SUMF2: variants seen among roughly 807,000 people sequenced by gnomAD.
The protein encoded by SUMF2 is sulfatase modifying factor 2.
Under a neutral mutation model 44.8 loss-of-function variants are expected in SUMF2, and 45 were observed. That is an observed-to-expected ratio of 1.00 (90% CI 0.79 to 1.29). SUMF2 has a LOEUF of 1.29. Among genes scored for constraint, SUMF2 ranks in the 50% most tolerant of loss-of-function variants. SUMF2 has a pLI of 0.00. For synonymous variants in SUMF2, 148 were observed against 150.4 expected, an observed-to-expected ratio of 0.98 and a Z score of 0.12; for missense variants, 418 against 389.9, an observed-to-expected ratio of 1.07 and a Z score of -0.61.
At chr7:56,068,031 C>CTTT (rs565131237) in intron 1 of SUMF2, among the ~76,000 whole-genome samples, 8 of 110,350 alleles carry the variant, frequency 7.2e-5, no homozygotes, top group Admixed American at 3.0e-4. Flanking sequence ...TTTTTTCTTT[C>CTTT]TTTTTTTTTT....
intron 7 of SUMF2, 27 bp downstream of exon 7, chr7:56,078,213 G>A (rs748924867): frequency 5.6e-6 from 9 of 1,599,028 alleles, no homozygotes; most frequent in Non-Finnish European, 7.7e-6. Context: ...GCTTGCGGCT[G>A]TGCCCATGAA....
At chr7:56,066,351 C>T (rs942814959) in intron 1 of SUMF2, among the ~76,000 whole-genome samples, 2 of 152,156 alleles carry the variant, frequency 1.3e-5, no homozygotes, top group Admixed American at 6.6e-5. Context: ...AGTCCTGTCT[C>T]CTGCTAACCA....
chr7:56,082,037 A>T, downstream of SUMF2: 1 of 1,612,964 alleles, frequency 6.2e-7, no homozygotes, highest in Non-Finnish European at 8.5e-7. Flanking sequence ...TGATGACGCC[A>T]GTGCTCCACC....
At chr7:56,079,217 G>A (rs553063066) in intron 8 of SUMF2, 14 of 528,698 alleles carry the variant, frequency 2.6e-5, no homozygotes, top group Non-Finnish European at 4.3e-5. Flanking sequence ...CTACTGAGCT[G>A]TTGTCAACTG....
chr7:56,081,069 G>A (rs142250443), downstream of SUMF2: 8 of 1,612,264 alleles, frequency 5.0e-6, no homozygotes, highest in South Asian at 2.2e-5. This position sits in a 1 kb window ranked among gnomAD's most constrained non-coding sequence, Gnocchi z 4.6. Flanking sequence ...AGTCCTCCTC[G>A]GCCAGGGAGA....
Position 56,064,365 on chromosome 7 carries a change from G to T in SUMF2, c.54G>T (p.Ala18=). Residue 18 remains alanine (A), a synonymous_variant, in exon 1 of 9, where the codon GCG becomes GCT. Coordinates refer to ENST00000434526, the MANE Select transcript of SUMF2 (RefSeq NM_015411.4). The stretch of plus-strand genomic sequence containing the variant: ...CCCTGCTGTCGCTCCTGGTCGGCGC[G>T]TGGCTCAAGCTAGGTCAGTGAACCG... ...LLPLLSLLVG[A]WLKLGNGQAT... is the part of the protein sequence containing the mutation. 6.2e-7 allele frequency: 1 copy of T among 1,604,604 alleles called. No individual in the cohort carries two copies. Among genetic ancestry groups the T allele is most frequent in the Non-Finnish European group, 8.5e-7 (1 of 1,176,070 alleles).
chr7:56,079,772 C>T lies in SUMF2; in HGVS notation c.*160C>T. Reference sequence around the variant, plus strand: ...CTGTGGCAGGCGCCTCTCACCAGGGCAGGAGAGGACTCAGCCTCCTGTGTT... The same window carrying T: ...CTGTGGCAGGCGCCTCTCACCAGGGTAGGAGAGGACTCAGCCTCCTGTGTT... On this transcript the variant is annotated 3_prime_UTR_variant, in exon 9 of 9. Coordinates refer to ENST00000434526, the MANE Select transcript of SUMF2 (RefSeq NM_015411.4). The T allele has an allele frequency of 6.4e-7, 1 of 1,557,536 alleles. No individual in the cohort carries two copies. The highest frequency in any genetic ancestry group is 8.7e-7 in the Non-Finnish European group (1 of 1,149,776).
At chr7:56,064,482 G>T in intron 1 of SUMF2, 104 bp downstream of exon 1, 1 of 1,455,912 alleles carries the variant, frequency 6.9e-7, no homozygotes, top group Non-Finnish European at 9.1e-7. Context: ...CCGGGATGCG[G>T]CTGCAGCGGC....
rs750409584 is a variant in SUMF2, at chr7:56,074,159, CCTT to C, written c.340-11_340-9del. On this transcript the variant is annotated splice_polypyrimidine_tract_variant and intron_variant, in intron 3 of 8. Coordinates refer to ENST00000434526, the MANE Select transcript of SUMF2 (RefSeq NM_015411.4). ...GGCCGGAGCATCTTGCAGTCGGTCTCCTTCTTTTTCGCAGTCTGTACTCTGGTG... is the reference window on the plus strand; with the variant it reads ...GGCCGGAGCATCTTGCAGTCGGTCTCCTTTTTCGCAGTCTGTACTCTGGTG... 65 of 1,613,700 alleles carry C rather than the reference CCTT, an allele frequency of 4.0e-5. No homozygotes were observed. The highest frequency in any genetic ancestry group is 8.8e-5 in the South Asian group (8 of 91,048).
At position 56,064,381 on chromosome 7, in the gene SUMF2, C is replaced by G; in HGVS notation, c.67+3C>G. 1 of 1,602,044 alleles carries G rather than the reference C, an allele frequency of 6.2e-7. No individual in the cohort carries two copies. On this transcript the variant is annotated splice_donor_region_variant and intron_variant, in intron 1 of 8. Transcript: ENST00000434526. ...GGTCGGCGCGTGGCTCAAGCTAGGTCAGTGAACCGGCCGTCCATCCTGGGG... is the reference window on the plus strand; with the variant it reads ...GGTCGGCGCGTGGCTCAAGCTAGGTGAGTGAACCGGCCGTCCATCCTGGGG...
chr7:56,074,482 T>C, intron 4 of SUMF2, 104 bp from the exon 5 acceptor site: 19 of 1,458,612 alleles, frequency 1.3e-5, no homozygotes, highest in East Asian at 2.3e-5. Flanking sequence ...TCCAGCTCTC[T>C]TGCTCCATCT....
At chr7:56,081,541 T>C (rs1186956034), downstream of SUMF2, 12 of 1,478,694 alleles carry the variant, frequency 8.1e-6, no homozygotes, top group South Asian at 8.4e-5. This position sits in a 1 kb window ranked among gnomAD's most constrained non-coding sequence, Gnocchi z 4.6. Flanking sequence ...ACTCTGGAAA[T>C]TCACGGGGTG....
intron 6 of SUMF2, among the ~76,000 whole-genome samples, chr7:56,077,638 G>A (rs1277064906): frequency 6.6e-6 from 1 of 150,842 alleles, no homozygotes; most frequent in African/African-American, 2.4e-5. Flanking sequence ...GCGACAGAAC[G>A]AGACCCTGCC....
chr7:56,085,974 CAAA>C, the SUMF2 span, among the ~76,000 whole-genome samples: 12 of 133,208 alleles, frequency 9.0e-5, no homozygotes, highest in Admixed American at 2.3e-4. Flanking sequence ...AACTCTGTCT[CAAA>C]AAAAAAAAAA....
chr7:56,074,282 C>T (rs1029740272), intron 4 of SUMF2, 64 bp downstream of exon 4: 1 of 1,482,142 alleles, frequency 6.7e-7, no homozygotes, highest in South Asian at 1.1e-5. Context: ...CAGGCCCAGC[C>T]TCCTCTCTAC....
intron 1 of SUMF2, among the ~76,000 whole-genome samples, chr7:56,066,597 A>G (rs1794819459): frequency 6.6e-6 from 1 of 151,782 alleles, no homozygotes; most frequent in Non-Finnish European, 1.5e-5. Flanking sequence ...ACAGGTGTAC[A>G]CCATCATACC....
At chr7:56,073,338 C>G in intron 3 of SUMF2, 1 of 572,996 alleles carries the variant, frequency 1.7e-6, no homozygotes, top group Admixed American at 2.5e-5. Flanking sequence ...AGGATAGGAT[C>G]CAAGGAACTT....
chr7:56,082,414 G>A (rs35307785), downstream of SUMF2, among the ~76,000 whole-genome samples: 6,596 of 152,126 alleles, frequency 0.043, 261 homozygotes, highest in East Asian at 0.2. Context: ...CCAACATGGC[G>A]AAACTCCATC....
Position 56,074,154 on chromosome 7 carries a change from G to A in SUMF2, c.340-20G>A, listed in dbSNP as rs554597602. The A allele has an allele frequency of 1.2e-6, 2 of 1,613,534 alleles. No individual in the cohort carries two copies. Among genetic ancestry groups the A allele is most frequent in the South Asian group, 1.1e-5 (1 of 91,048 alleles). ...TGCTGGGCCGGAGCATCTTGCAGTC[G>A]GTCTCCTTCTTTTTCGCAGTCTGTA... On this transcript the variant is annotated intron_variant, in intron 3 of 8. Coordinates refer to ENST00000434526, the MANE Select transcript of SUMF2 (RefSeq NM_015411.4).
Sources: allele counts gnomAD v4.1 joint callset (sites outside exome capture counted in the v4.1 genomes callset), GRCh38; gene constraint gnomAD v4.1.1; non-coding constraint Gnocchi (gnomAD v3.1); transcripts MANE v1.5; gene names NCBI Gene and HGNC (gene_info 2026-07-23, HGNC 2026-07-21).